Variants in LUZP2 observed in about 807,000 individuals in gnomAD.
LUZP2 encodes the protein leucine zipper protein 2.
In LUZP2, 52 loss-of-function variants were observed where a neutral mutation model predicts 51.6. That is an observed-to-expected ratio of 1.01 (90% CI 0.81 to 1.27). The LOEUF (loss-of-function observed/expected upper bound fraction) is 1.27. Among genes scored for constraint, LUZP2 ranks in the 50% most tolerant of loss-of-function variants. The pLI is 0.00. For missense variants in LUZP2, 436 were observed against 395.4 expected (o/e 1.10, Z -0.87); for synonymous variants, 154 against 137.3 (o/e 1.12, Z -0.85).
At chr11:24,543,985 C>A (rs1021623217) in intron 1 of LUZP2, among the ~76,000 whole-genome samples, 7 of 152,032 alleles carry the variant, frequency 4.6e-5, no homozygotes, top group African/African-American at 1.4e-4. Context: ...TGGCTGCTTG[C>A]CACTCAGAGC....
chr11:24,671,383 C>T (rs1856397576), intron 1 of LUZP2, among the ~76,000 whole-genome samples: 1 of 151,930 alleles, frequency 6.6e-6, no homozygotes, highest in Non-Finnish European at 1.5e-5. Context: ...GATATATTAA[C>T]ATCTAAATTT....
At chr11:24,917,634 C>G (rs1853836739) in intron 7 of LUZP2, among the ~76,000 whole-genome samples, 1 of 152,070 alleles carries the variant, frequency 6.6e-6, no homozygotes, top group Admixed American at 6.6e-5. Flanking sequence ...TGTCAAAGAT[C>G]AGATGGTTGT....
At chr11:24,644,363 A>G (rs896213439) in intron 1 of LUZP2, among the ~76,000 whole-genome samples, 2 of 152,166 alleles carry the variant, frequency 1.3e-5, no homozygotes, top group Non-Finnish European at 2.9e-5. Flanking sequence ...CTTTCCCTAG[A>G]AATCAGTACA....
At chr11:24,893,765 TAC>T (rs1400516587) in intron 5 of LUZP2, among the ~76,000 whole-genome samples, 1 of 74,838 alleles carries the variant, frequency 1.3e-5, no homozygotes, top group Non-Finnish European at 2.5e-5. Flanking sequence ...CATGCACAAA[TAC>T]ACACGCACAC....
At chr11:24,714,496 A>G (rs893211459) in intron 1 of LUZP2, among the ~76,000 whole-genome samples, 5 of 152,106 alleles carry the variant, frequency 3.3e-5, no homozygotes, top group African/African-American at 1.2e-4. Flanking sequence ...ACGGAGTAAT[A>G]TTAAACTGTT....
At chr11:24,511,990 C>A (rs748024852) in intron 1 of LUZP2, among the ~76,000 whole-genome samples, 3 of 152,136 alleles carry the variant, frequency 2.0e-5, no homozygotes, top group East Asian at 3.9e-4. Flanking sequence ...TTCCAAAATT[C>A]TCTTCCTTAG....
Position 25,043,770 on chromosome 11 carries a change from AAT to A in LUZP2, c.766-6260_766-6259del, listed in dbSNP as rs754865500. Among the ~76,000 whole-genome samples the A allele has an allele frequency of 6.1e-5, 9 of 147,994 alleles. No individual in the cohort carries two copies. In the East Asian group the frequency reaches 1.2e-3, roughly 20 times the overall value. On this transcript the variant is annotated intron_variant, in intron 9 of 11. Transcript: ENST00000336930. ...AATATACATAGTGTGGTATATATATAATATATATAGTGTGTGTATATATATAT... is the reference window on the plus strand; with the variant it reads ...AATATACATAGTGTGGTATATATATAATATATAGTGTGTGTATATATATAT...
At chr11:25,040,216 GT>G (rs1858005408) in intron 9 of LUZP2, among the ~76,000 whole-genome samples, 2 of 151,806 alleles carry the variant, frequency 1.3e-5, no homozygotes, top group South Asian at 4.2e-4. Flanking sequence ...TTAAATGTGT[GT>G]TTTATTTTCT....
chr11:24,859,749 G>A (rs1317403651), intron 5 of LUZP2, among the ~76,000 whole-genome samples: 1 of 152,204 alleles, frequency 6.6e-6, no homozygotes, highest in Non-Finnish European at 1.5e-5. Context: ...AGGGACGGGG[G>A]AACCCCTTTC....
At chr11:24,987,558 T>C (rs746822821) in intron 9 of LUZP2, among the ~76,000 whole-genome samples, 3 of 151,946 alleles carry the variant, frequency 2.0e-5, no homozygotes, top group Non-Finnish European at 2.9e-5. Flanking sequence ...AGTTGCAGTT[T>C]ATATTGTTGA....
chr11:24,996,754 A>T (rs977345464), intron 9 of LUZP2, among the ~76,000 whole-genome samples: 1 of 151,848 alleles, frequency 6.6e-6, no homozygotes, highest in Non-Finnish European at 1.5e-5. Flanking sequence ...TATCTCCTAA[A>T]GCTATCCCTC....
At chr11:24,561,865 A>C (rs2133773774) in intron 1 of LUZP2, among the ~76,000 whole-genome samples, 1 of 149,932 alleles carries the variant, frequency 6.7e-6, no homozygotes, top group East Asian at 2.0e-4. Context: ...GGAAAGCACT[A>C]GATGTAGAAA....
intron 1 of LUZP2, among the ~76,000 whole-genome samples, chr11:24,592,928 A>C (rs1853309477): frequency 6.6e-6 from 1 of 152,228 alleles, no homozygotes; most frequent in Non-Finnish European, 1.5e-5. Context: ...ACAGACATCT[A>C]TTGGTGATGC....
intron 1 of LUZP2, among the ~76,000 whole-genome samples, chr11:24,634,966 A>C (rs1228119449): frequency 6.6e-6 from 1 of 152,142 alleles, no homozygotes; most frequent in African/African-American, 2.4e-5. Flanking sequence ...TCAGTCTCTC[A>C]TTTGATCTCT....
intron 7 of LUZP2, among the ~76,000 whole-genome samples, chr11:24,927,195 T>C (rs1386940790): frequency 1.3e-5 from 2 of 151,964 alleles, no homozygotes; most frequent in Non-Finnish European, 2.9e-5. Context: ...TGTGAAGATA[T>C]TTTCTTACTC....
chr11:24,905,721 T>A (rs1196599364), intron 5 of LUZP2, among the ~76,000 whole-genome samples: 6 of 151,858 alleles, frequency 4.0e-5, no homozygotes, highest in Admixed American at 2.6e-4. Flanking sequence ...AAAAACGAAA[T>A]CATATCAATT....
intron 9 of LUZP2, among the ~76,000 whole-genome samples, chr11:25,020,040 T>C (rs1347450506): frequency 6.6e-6 from 1 of 152,150 alleles, no homozygotes; most frequent in East Asian, 1.9e-4. Flanking sequence ...TTAACAACCA[T>C]CTGTGTACTG....
intron 1 of LUZP2, among the ~76,000 whole-genome samples, chr11:24,607,824 A>AT (rs1233213738): frequency 5.0e-5 from 6 of 119,028 alleles, no homozygotes; most frequent in African/African-American, 1.6e-4. Context: ...ATCTATCTCT[A>AT]TTTTATTTTT....
intron 1 of LUZP2, among the ~76,000 whole-genome samples, chr11:24,608,098 C>T (rs930493637): frequency 1.3e-5 from 2 of 152,158 alleles, no homozygotes; most frequent in Non-Finnish European, 2.9e-5. Context: ...ATCCGCCCAC[C>T]TCGGCCTCCT....
Sources: allele counts gnomAD v4.1 joint callset (sites outside exome capture counted in the v4.1 genomes callset), GRCh38; gene constraint gnomAD v4.1.1; transcripts MANE v1.5; gene names NCBI Gene and HGNC (gene_info 2026-07-23, HGNC 2026-07-21).